Variants in STS observed in about 807,000 individuals in gnomAD.
The protein encoded by STS is steryl-sulfatase.
Under a neutral mutation model 26.8 loss-of-function variants are expected in STS, and 7 were observed. That is an observed-to-expected ratio of 0.26 (90% confidence interval 0.15 to 0.49). STS has a LOEUF of 0.49. STS is among the 20% of genes least tolerant of loss of function. The pLI is 0.98. For synonymous variants in STS, 199 were observed against 189.4 expected, an observed-to-expected ratio of 1.05 and a Z score of -0.42; for missense variants, 434 against 465.6, an observed-to-expected ratio of 0.93 and a Z score of 0.63.
chrX:7,318,293 C>T (rs909813804), intron 8 of STS, among the ~76,000 whole-genome samples: 9 of 111,011 alleles, frequency 8.1e-5, no homozygotes, highest in Admixed American at 2.9e-4. Context: ...GAGCAGATTT[C>T]GGTGCTTTTT....
intron 2 of STS, among the ~76,000 whole-genome samples, chrX:7,204,264 A>C (rs1340909424): frequency 2.7e-5 from 3 of 111,615 alleles, no homozygotes; most frequent in Non-Finnish European, 5.6e-5. Flanking sequence ...TTTCTAACCC[A>C]AGTGTTGGCA....
chrX:7,303,400 G>A (rs756347008), intron 7 of STS, among the ~76,000 whole-genome samples: 10 of 111,217 alleles, frequency 9.0e-5, no homozygotes, highest in Non-Finnish European at 1.9e-4. Context: ...AGAGAGCTCG[G>A]AAAAGAAACG....
chrX:7,344,661 G>C (rs1214753139), intron 10 of STS, among the ~76,000 whole-genome samples: 1 of 111,611 alleles, frequency 9.0e-6, no homozygotes, highest in Non-Finnish European at 1.9e-5. Context: ...TGGAGCGCTT[G>C]AATTACTCAG....
intron 10 of STS, among the ~76,000 whole-genome samples, chrX:7,345,436 T>C (rs1442772547): frequency 1.8e-5 from 2 of 111,628 alleles, no homozygotes; most frequent in Non-Finnish European, 3.8e-5. Flanking sequence ...TGGCTTAATC[T>C]AAATGGGTCC....
At chrX:7,298,693 G>A (rs1348004561) in intron 7 of STS, among the ~76,000 whole-genome samples, 2 of 110,152 alleles carry the variant, frequency 1.8e-5, no homozygotes, top group African/African-American at 6.6e-5. Context: ...GCAGAGAGTC[G>A]TAGCCACCCC....
At position 7,325,381 on chromosome X, in the gene STS, G is replaced by C. The variant is rs145886038; in HGVS notation, c.1124G>C (p.Gly375Ala). 7.4e-4 allele frequency: 894 copies of C among 1,209,378 alleles called. 2 individuals are homozygous for C. Among genetic ancestry groups the C allele is most frequent in the Non-Finnish European group, 8.9e-4 (796 of 894,964 alleles). ...TGGGAAGGAGGTATCCGGGTTCCAG[G>C]CATCCTTCGTTGGCCCAGGGTGATA... is the stretch of plus-strand genomic sequence containing the variant. ...NNWEGGIRVP[G>A]ILRWPRVIQA... The change falls in exon 9 of 11, where the codon GGC (glycine) becomes GCC (alanine). Residue 375 changes from glycine to alanine, a missense_variant. By Grantham distance (60) the Gly-to-Ala change is moderately conservative (BLOSUM62 0). Transcript: ENST00000674429.
At chrX:7,244,351 G>A (rs1248722253) in intron 2 of STS, among the ~76,000 whole-genome samples, 2 of 111,997 alleles carry the variant, frequency 1.8e-5, no homozygotes, top group East Asian at 5.6e-4. Flanking sequence ...ATAATTTGCG[G>A]AAGTATGTTA....
intron 2 of STS, among the ~76,000 whole-genome samples, chrX:7,220,543 ATTTTTTTT>A (rs769097559): frequency 3.1e-5 from 2 of 64,964 alleles, no homozygotes; most frequent in Non-Finnish European, 5.7e-5. Context: ...TGGATGTCAG[ATTTTTTTT>A]TTTTTTTTTT....
At chrX:7,286,364 G>C (rs1925132220) in intron 7 of STS, among the ~76,000 whole-genome samples, 3 of 111,288 alleles carry the variant, frequency 2.7e-5, no homozygotes, top group Non-Finnish European at 3.8e-5. Flanking sequence ...CTGAGCTCTG[G>C]ATCAGATGAA....
At chrX:7,324,820 C>A (rs185819789) in intron 8 of STS, among the ~76,000 whole-genome samples, 26 of 111,716 alleles carry the variant, frequency 2.3e-4, no homozygotes, top group African/African-American at 8.1e-4. Flanking sequence ...GTTTACAACC[C>A]TATGATTATA....
chrX:7,224,004 A>G (rs1490312876), intron 2 of STS, among the ~76,000 whole-genome samples: 1 of 111,202 alleles, frequency 9.0e-6, no homozygotes. Context: ...AGAAAGGAAA[A>G]GAGTGGAATA....
chrX:7,212,025 C>T (rs1232381119), intron 2 of STS, among the ~76,000 whole-genome samples: 7 of 112,300 alleles, frequency 6.2e-5, no homozygotes, highest in African/African-American at 9.7e-5. Context: ...CTTCCCTTTG[C>T]AGCCTGTCCA....
intron 10 of STS, among the ~76,000 whole-genome samples, chrX:7,348,211 G>A (rs1371338247): frequency 8.9e-6 from 1 of 111,839 alleles, no homozygotes; most frequent in Admixed American, 9.5e-5. Context: ...CAAAGAGGCT[G>A]ACTTTTACCA....
intron 2 of STS, among the ~76,000 whole-genome samples, chrX:7,233,098 T>C (rs1207064052): frequency 1.8e-4 from 17 of 96,044 alleles, no homozygotes; most frequent in African/African-American, 2.3e-4. Flanking sequence ...TTTCTTTTTT[T>C]TTTTTTTTTT....
At chrX:7,234,554 G>A (rs923789744) in intron 2 of STS, among the ~76,000 whole-genome samples, 1 of 112,052 alleles carries the variant, frequency 8.9e-6, no homozygotes. Flanking sequence ...GACAAGGAGG[G>A]AAAATTGACA....
chrX:7,292,046 A>G (rs1165235462), intron 7 of STS, among the ~76,000 whole-genome samples: 1 of 112,556 alleles, frequency 8.9e-6, no homozygotes, highest in African/African-American at 3.2e-5. Context: ...TTCTTTGACA[A>G]TCTTTGAAGC....
At chrX:7,340,269 T>C (rs1220793198) in intron 10 of STS, among the ~76,000 whole-genome samples, 1 of 111,282 alleles carries the variant, frequency 9.0e-6, no homozygotes, top group Non-Finnish European at 1.9e-5. Context: ...TGTCTCTCAG[T>C]TCTCCCGAAA....
At chrX:7,213,599 T>C (rs1921120896) in intron 2 of STS, among the ~76,000 whole-genome samples, 1 of 111,773 alleles carries the variant, frequency 8.9e-6, no homozygotes, top group South Asian at 3.8e-4. Context: ...ATTCTTCTTT[T>C]CAATCAATAA....
chrX:7,297,031 C>A (rs1367169104), intron 7 of STS, among the ~76,000 whole-genome samples: 1 of 111,713 alleles, frequency 9.0e-6, no homozygotes, highest in Non-Finnish European at 1.9e-5. Flanking sequence ...TTTTAAGTAC[C>A]CTAATAATTC....
Sources: gnomAD v4.1 joint callset for allele counts (sites outside exome capture counted in the v4.1 genomes callset) on GRCh38, gnomAD v4.1.1 for gene constraint, MANE v1.5 for transcripts, NCBI Gene and HGNC (gene_info 2026-07-23, HGNC 2026-07-21) for gene names.